Variants in SERPINB5 observed in about 807,000 individuals in gnomAD.
SERPINB5 encodes the protein serpin family B member 5.
A neutral mutation model predicts 32.2 loss-of-function variants in SERPINB5; 27 were observed. The ratio of observed to expected loss-of-function variants is 0.84; its 90% confidence interval spans 0.62 to 1.16. The LOEUF is 1.16. Among genes scored for constraint, SERPINB5 ranks in the 50% most tolerant of loss-of-function variants. SERPINB5 has a pLI of 0.00. For synonymous variants in SERPINB5, 154 were observed against 157.4 expected (o/e 0.98, Z 0.16); for missense variants, 388 against 436.3 (o/e 0.89, Z 0.99).
At chr18:63,496,019 T>C (rs569099287) in intron 5 of SERPINB5, among the ~76,000 whole-genome samples, 1 of 152,358 alleles carries the variant, frequency 6.6e-6, no homozygotes, top group African/African-American at 2.4e-5. Flanking sequence ...AAAAGTTTAG[T>C]ATAGTACTTA....
chr18:63,484,542 T>G lies in SERPINB5; in HGVS notation c.114T>G (p.Ser38=). 8.1e-6 allele frequency: 13 copies of G among 1,614,130 alleles called. No individual in the cohort carries two copies. Among genetic ancestry groups the G allele is most frequent in the Non-Finnish European group, 1.1e-5 (13 of 1,180,014 alleles). Residue 38 remains serine, a synonymous_variant, in exon 2 of 7, where the codon TCT becomes TCG. Coordinates refer to ENST00000382771, the MANE Select transcript of SERPINB5 (RefSeq NM_002639.5). ...VLFSPICLST[S]LSLAQVGAKG... is the part of the protein sequence containing the mutation. ...TCTCTCCAATCTGTCTCTCCACCTC[T>G]CTGTCACTTGCTCAAGTGGGTGCTA...
In SERPINB5 at chr18:63,504,537, A is replaced by G. The variant is rs1909640177; in HGVS notation, c.*815A>G. The G allele has an allele frequency of 6.6e-6, 1 of 152,180 alleles. No individual in the cohort carries two copies. Among genetic ancestry groups the G allele is most frequent in the Admixed American group, 6.5e-5 (1 of 15,278 alleles). The allele number at this position is 152,180 out of a possible 1,614,324, so 9.4% of individuals were successfully genotyped here. A position where few individuals can be genotyped will look rare whatever the true frequency, so the allele number is the denominator to read the frequency against. On this transcript the variant is annotated 3_prime_UTR_variant, in exon 7 of 7. Coordinates refer to ENST00000382771, the MANE Select transcript of SERPINB5 (RefSeq NM_002639.5). ...TGGAATGTTGGATAAGGAATTATAG[A>G]CCTCTAGTAGCTGAAATGCAAGACC...
intron 4 of SERPINB5, among the ~76,000 whole-genome samples, chr18:63,490,221 G>A (rs1000559333): frequency 6.6e-6 from 1 of 151,830 alleles, no homozygotes; most frequent in Non-Finnish European, 1.5e-5. Flanking sequence ...AAACAAAACC[G>A]TAGTGTCAGC....
intron 3 of SERPINB5, 54 bp downstream of exon 3, chr18:63,487,137 T>C: frequency 6.4e-7 from 1 of 1,574,758 alleles, no homozygotes. Flanking sequence ...GAGTGGCATT[T>C]TCATGCTGTT....
In SERPINB5 at chr18:63,489,911, G is replaced by T. The variant is rs117131215; in HGVS notation, c.424+447G>T. ...AGGCAACATATGTAAAAGAAAAACC[G>T]GCTGGACGCGGTGGCTCACGCCTGT... On this transcript the variant is annotated intron_variant, in intron 4 of 6. Coordinates refer to ENST00000382771, the MANE Select transcript of SERPINB5 (RefSeq NM_002639.5). Among the ~76,000 whole-genome samples the T allele has an allele frequency of 1.6e-3, 247 of 152,310 alleles. 7 individuals carry two copies. The East Asian group carries it at 0.039, about 24-fold the overall frequency.
intron 1 of SERPINB5, among the ~76,000 whole-genome samples, chr18:63,482,999 A>G (rs1046718854): frequency 1.3e-5 from 2 of 152,152 alleles, no homozygotes; most frequent in African/African-American, 2.4e-5. Flanking sequence ...GCTGTCTATT[A>G]GAGATTGAGA....
chr18:63,478,758 G>GTTTTTTTTTTTTTTTTTT (rs10669993), intron 1 of SERPINB5, among the ~76,000 whole-genome samples: 5 of 135,382 alleles, frequency 3.7e-5, no homozygotes, highest in Non-Finnish European at 3.1e-5. Context: ...TAAAAACGTA[G>GTTTTTTTTTTTTTTTTTT]TTTTTTTTTT....
At chr18:63,488,168 T>C (rs1917243504) in intron 3 of SERPINB5, among the ~76,000 whole-genome samples, 1 of 152,202 alleles carries the variant, frequency 6.6e-6, no homozygotes, top group Non-Finnish European at 1.5e-5. Flanking sequence ...GGCTTTCTAA[T>C]GTTTTCAGGT....
intron 1 of SERPINB5, among the ~76,000 whole-genome samples, chr18:63,479,157 A>G (rs1484037275): frequency 1.3e-5 from 2 of 152,306 alleles, no homozygotes; most frequent in Non-Finnish European, 1.5e-5. Context: ...TTGATGGTCT[A>G]TAAGTAAAAT....
chr18:63,493,900 C>G (rs778200423), intron 5 of SERPINB5, among the ~76,000 whole-genome samples: 2 of 151,726 alleles, frequency 1.3e-5, no homozygotes, highest in Non-Finnish European at 2.9e-5. Flanking sequence ...CAGATGCTTT[C>G]AGGCACTTGT....
At chr18:63,494,938 G>A (rs779911518) in intron 5 of SERPINB5, among the ~76,000 whole-genome samples, 4 of 152,098 alleles carry the variant, frequency 2.6e-5, no homozygotes, top group Non-Finnish European at 4.4e-5. Context: ...AGTCCCTAAG[G>A]GTCAGTTTGC....
At chr18:63,481,530 C>T (rs1917127356) in intron 1 of SERPINB5, among the ~76,000 whole-genome samples, 1 of 152,216 alleles carries the variant, frequency 6.6e-6, no homozygotes. Context: ...ATTAGCTCTC[C>T]ACTGGTGGAA....
chr18:63,483,052 A>G (rs1917150576), intron 1 of SERPINB5, among the ~76,000 whole-genome samples: 1 of 152,144 alleles, frequency 6.6e-6, no homozygotes, highest in Non-Finnish European at 1.5e-5. Context: ...TTTTAACCTC[A>G]TGGACCTCCT....
intron 5 of SERPINB5, among the ~76,000 whole-genome samples, chr18:63,496,485 TA>T (rs1173936983): frequency 6.6e-6 from 1 of 152,204 alleles, no homozygotes; most frequent in Non-Finnish European, 1.5e-5. Context: ...GCCTTGACTG[TA>T]TTCTAGTTGG....
At position 63,505,015 on chromosome 18, in the gene SERPINB5, GTTC is replaced by G. The variant is rs1359002002; in HGVS notation, c.*1299_*1301del. 4 of 151,834 alleles carry G rather than the reference GTTC, an allele frequency of 2.6e-5. No homozygotes were observed. The East Asian group carries it at 7.7e-4, about 29-fold the overall frequency. The allele number at this position is 151,834 out of a possible 1,614,324, so 9.4% of individuals were successfully genotyped here. On this transcript the variant is annotated 3_prime_UTR_variant, in exon 7 of 7. Transcript: ENST00000382771. ...CTTCCTTGACCTGCATTGTAAATAG[GTTC>G]TTCTTGTTCTGAGATTCAATATTGA...
Position 63,484,591 on chromosome 18 carries a change from G to A in SERPINB5, c.163G>A (p.Gly55Arg). Reference protein sequence around the residue: ...GAKGDTANEIGQVLHFENVKD... With the variant: ...GAKGDTANEIRQVLHFENVKD... ...TAAAGGTGACACTGCAAATGAAATTGGACAGGTAAGCCCCAAAACCTTGTT... is the reference window on the plus strand; with the variant it reads ...TAAAGGTGACACTGCAAATGAAATTAGACAGGTAAGCCCCAAAACCTTGTT... The change falls in exon 2 of 7, where the codon GGA becomes AGA. Residue 55 changes from glycine to arginine, a missense_variant. Transcript: ENST00000382771. The A allele has an allele frequency of 6.2e-7, 1 of 1,613,248 alleles. No homozygotes were observed. Among genetic ancestry groups the A allele is most frequent in the Non-Finnish European group, 8.5e-7 (1 of 1,179,714 alleles).
intron 1 of SERPINB5, 69 bp downstream of exon 1, chr18:63,477,114 G>A (rs1917048694): frequency 6.6e-6 from 1 of 152,130 alleles, no homozygotes; most frequent in South Asian, 2.1e-4. Context: ...ATCGTTATTT[G>A]AGCTGATTTG....
intron 5 of SERPINB5, chr18:63,497,175 CA>C: frequency 1.5e-6 from 1 of 665,570 alleles, no homozygotes; most frequent in South Asian, 1.4e-5. Context: ...TCTCCTGGGA[CA>C]TTGACACCGC....
At position 63,503,677 on chromosome 18, in the gene SERPINB5, C is replaced by G. The variant is rs1218800347; in HGVS notation, c.1083C>G (p.Asn361Lys). The change falls in exon 7 of 7, where the codon AAC (asparagine) becomes AAG (lysine). Residue 361 changes from asparagine (N) to lysine (K), a missense_variant. Transcript: ENST00000382771. The part of the protein sequence containing the change: ...DHPFIYIIRH[N>K]KTRNIIFFGK... ...CCTTTATTTACATCATCAGGCACAA[C>G]AAAACTCGAAACATTATTTTCTTTG... 6.2e-7 allele frequency: 1 copy of G among 1,614,054 alleles called. No individual in the cohort carries two copies. The highest frequency in any genetic ancestry group is 8.5e-7 in the Non-Finnish European group (1 of 1,180,024).
Sources: allele counts gnomAD v4.1 joint callset (sites outside exome capture counted in the v4.1 genomes callset), GRCh38; gene constraint gnomAD v4.1.1; transcripts MANE v1.5; gene names NCBI Gene and HGNC (gene_info 2026-07-23, HGNC 2026-07-21).